Variants in RNF216 observed in about 807,000 individuals in gnomAD.
RNF216 encodes ring finger protein 216.
Under a neutral mutation model 110.8 loss-of-function variants are expected in RNF216, and 72 were observed. That is an observed-to-expected ratio of 0.65 (90% CI 0.54 to 0.79). The LOEUF is 0.79. Among genes scored for constraint, RNF216 ranks in the 30% least tolerant of loss-of-function variants. The probability of loss-of-function intolerance (pLI) is 0.00; values close to 1 mark genes in which losing one functional copy is unlikely to be tolerated. For synonymous variants in RNF216, 495 were observed against 407.5 expected, an observed-to-expected ratio of 1.21 and a Z score of -2.59; for missense variants, 1,342 against 1,141.2, an observed-to-expected ratio of 1.18 and a Z score of -2.54.
At chr7:5,774,081 T>A (rs1796645061) in intron 1 of RNF216, among the ~76,000 whole-genome samples, 1 of 152,210 alleles carries the variant, frequency 6.6e-6, no homozygotes, top group Non-Finnish European at 1.5e-5. Context: ...ATGATGGAAT[T>A]TCTACTCTTA....
In RNF216 at chr7:5,622,517, C is replaced by T. The variant is rs1038826286; in HGVS notation, c.*343G>A. The T allele has an allele frequency of 8.9e-6, 2 of 225,864 alleles. No homozygotes were observed. The highest frequency in any genetic ancestry group is 5.6e-5 in the Admixed American group (1 of 17,986). 14.0% of individuals were successfully genotyped at this position (225,864 alleles called of 1,614,324 possible). A position where few individuals can be genotyped will look rare whatever the true frequency, so the allele number is the denominator to read the frequency against. On this transcript the variant is annotated 3_prime_UTR_variant, in exon 17 of 17. Transcript: ENST00000389902. ...CTCGGCTGCCTTGCTACCCAGGGGT[C>T]GGCTCCGAGGAGAGGCCCAGGTGTG...
chr7:5,623,069 G>C lies in RNF216; in HGVS notation c.2563C>G (p.Pro855Ala), dbSNP rs1360635871. ...GGTGGGTGCGCGAAGGCATAGGGTG[G>C]CATCTGTGGCTGTGGCAGGTTCTGC... ...VPQNLPQPQMPPYAFAHPPFP... is the reference protein window; with the variant it reads ...VPQNLPQPQMAPYAFAHPPFP... The change falls in exon 17 of 17, where the codon CCA (proline) becomes GCA (alanine). Residue 855 changes from proline (P) to alanine (A), a missense_variant. Transcript: ENST00000389902. 1 of 1,612,956 alleles carries C rather than the reference G, an allele frequency of 6.2e-7. No homozygotes were observed. Among genetic ancestry groups the C allele is most frequent in the Non-Finnish European group, 8.5e-7 (1 of 1,179,186 alleles).
intron 13 of RNF216, among the ~76,000 whole-genome samples, chr7:5,655,236 G>A (rs907404512): frequency 2.0e-5 from 3 of 152,120 alleles, no homozygotes; most frequent in African/African-American, 4.8e-5. Flanking sequence ...CACCCTCTAC[G>A]TCACAGTGCT....
At chr7:5,740,628 C>G (rs1283689021) in intron 4 of RNF216, among the ~76,000 whole-genome samples, 1 of 152,086 alleles carries the variant, frequency 6.6e-6, no homozygotes, top group Non-Finnish European at 1.5e-5. Flanking sequence ...CCATATTGGA[C>G]AGCATAGGTC....
At chr7:5,647,147 T>C (rs1207422296) in intron 14 of RNF216, among the ~76,000 whole-genome samples, 1 of 151,826 alleles carries the variant, frequency 6.6e-6, no homozygotes, top group East Asian at 1.9e-4. Context: ...AAGTTGCCTC[T>C]GGCAGTTTTT....
intron 3 of RNF216, among the ~76,000 whole-genome samples, chr7:5,750,254 G>C (rs1165275880): frequency 6.6e-6 from 1 of 152,158 alleles, no homozygotes; most frequent in African/African-American, 2.4e-5. Flanking sequence ...GGCAGGCTCA[G>C]GAACCTCCAG....
intron 13 of RNF216, among the ~76,000 whole-genome samples, chr7:5,682,412 C>CTTTT (rs775691792): frequency 5.3e-4 from 74 of 140,610 alleles, no homozygotes; most frequent in African/African-American, 1.7e-3. Flanking sequence ...CATTTTTTTT[C>CTTTT]TTTTTTTTTT....
intron 2 of RNF216, chr7:5,760,465 G>A (rs1294974543): frequency 7.9e-6 from 3 of 381,592 alleles, no homozygotes; most frequent in Non-Finnish European, 1.6e-5. Flanking sequence ...GTGGTGAGTC[G>A]AGATTACGCC....
intron 13 of RNF216, among the ~76,000 whole-genome samples, chr7:5,667,245 G>A (rs79767165): frequency 4.9e-4 from 74 of 152,242 alleles, no homozygotes; most frequent in African/African-American, 1.7e-3. Flanking sequence ...TTATAAAACT[G>A]TTTCTGTTCC....
chr7:5,725,573 G>C (rs1458702960), intron 7 of RNF216, 135 bp from the exon 8 acceptor site: 1 of 630,612 alleles, frequency 1.6e-6, no homozygotes, highest in Non-Finnish European at 2.8e-6. Flanking sequence ...AGTGGCAGCT[G>C]GGTGCGGTGG....
chr7:5,778,183 G>A (rs1001795758), intron 1 of RNF216, among the ~76,000 whole-genome samples: 5 of 152,102 alleles, frequency 3.3e-5, no homozygotes, highest in Non-Finnish European at 5.9e-5. Context: ...CTGACATAGC[G>A]GGCCTTACCT....
chr7:5,686,184 C>G (rs1790972066), intron 13 of RNF216, among the ~76,000 whole-genome samples: 2 of 147,812 alleles, frequency 1.4e-5, no homozygotes, highest in Non-Finnish European at 3.0e-5. Context: ...GATCATGCTG[C>G]TGCACTCCAG....
intron 13 of RNF216, among the ~76,000 whole-genome samples, chr7:5,710,379 A>AC (rs1562415975): frequency 1.3e-5 from 2 of 151,146 alleles, no homozygotes; most frequent in African/African-American, 4.9e-5. Flanking sequence ...AAACAAAAAC[A>AC]AAAACAAAAA....
At position 5,752,905 on chromosome 7, in the gene RNF216, T is replaced by C. The variant is rs966318554; in HGVS notation, c.142A>G (p.Thr48Ala). The change falls in exon 3 of 17, where the codon ACC (threonine) becomes GCC (alanine). Residue 48 changes from threonine to alanine, a missense_variant. By Grantham distance (58) the Thr-to-Ala change is moderately conservative. Transcript: ENST00000389902. ...TCTTCATGCTGCTGAGGAGCTGGGG[T>C]GACCAGCATTGGAATCCTTTCCTCA... ...SDEERIPMLV[T>A]PAPQQHEEED... The C allele has an allele frequency of 2.5e-6, 4 of 1,612,092 alleles. No individual in the cohort carries two copies. The highest frequency in any genetic ancestry group is 2.7e-5 in the African/African-American group (2 of 74,882).
intron 16 of RNF216, among the ~76,000 whole-genome samples, chr7:5,623,538 G>T (rs1216125666): frequency 6.6e-6 from 1 of 151,364 alleles, no homozygotes; most frequent in Non-Finnish European, 1.5e-5. Context: ...GGGCTCAACT[G>T]ATCCACCTGC....
intron 1 of RNF216, among the ~76,000 whole-genome samples, chr7:5,779,334 G>T (rs149737920): frequency 7.2e-5 from 11 of 152,070 alleles, no homozygotes; most frequent in African/African-American, 2.4e-4. Context: ...CTAAAGCCTC[G>T]AATGAGGTTT....
intron 5 of RNF216, 99 bp from the exon 6 acceptor site, chr7:5,730,916 C>A: frequency 6.7e-7 from 1 of 1,502,010 alleles, no homozygotes; most frequent in Non-Finnish European, 9.0e-7. Context: ...CTTAGTCACA[C>A]ATTACAACTG....
At chr7:5,683,939 T>C (rs2128607433) in intron 13 of RNF216, among the ~76,000 whole-genome samples, 1 of 152,070 alleles carries the variant, frequency 6.6e-6, no homozygotes, top group South Asian at 2.1e-4. Context: ...TTGTGTCTGG[T>C]GAGAAGGCTG....
intron 3 of RNF216, among the ~76,000 whole-genome samples, chr7:5,746,197 C>G (rs1254106019): frequency 6.6e-6 from 1 of 152,156 alleles, no homozygotes; most frequent in Non-Finnish European, 1.5e-5. Flanking sequence ...CACCTGGTCT[C>G]TTTGACTTTG....
Sources: gnomAD v4.1 joint callset for allele counts (sites outside exome capture counted in the v4.1 genomes callset) on GRCh38, gnomAD v4.1.1 for gene constraint, MANE v1.5 for transcripts, NCBI Gene and HGNC (gene_info 2026-07-23, HGNC 2026-07-21) for gene names.